OLFM1: variants seen among roughly 807,000 people sequenced by gnomAD.
OLFM1 encodes olfactomedin 1.
Under a neutral mutation model 49.7 loss-of-function variants are expected in OLFM1, and 9 were observed. That is an observed-to-expected ratio of 0.18 (90% CI 0.11 to 0.32). The LOEUF is 0.32. Among genes scored for constraint, OLFM1 ranks in the 10% least tolerant of loss-of-function variants. OLFM1 has a pLI of 1.00. For missense variants in OLFM1, 369 were observed against 661.8 expected (o/e 0.56, Z 4.85); for synonymous variants, 240 against 271.8 (o/e 0.88, Z 1.15).
intron 4 of OLFM1, among the ~76,000 whole-genome samples, chr9:135,100,478 T>C (rs1481009966): frequency 1.3e-5 from 2 of 152,178 alleles, no homozygotes; most frequent in Non-Finnish European, 2.9e-5. Context: ...ACCTTTGGAG[T>C]GCAGCTGCCT....
At position 135,080,901 on chromosome 9, in the gene OLFM1, A is replaced by G. The variant is rs1473116980; in HGVS notation, c.96+5099A>G. On this transcript the variant is annotated intron_variant, in intron 1 of 5. Coordinates refer to the OLFM1 transcript ENST00000252854. The surrounding 1 kb of genome is among the most constrained non-coding windows in gnomAD (Gnocchi z 4.5). The stretch of plus-strand genomic sequence containing the variant: ...GCGACCGAAGGGAGGGGAAGAGAGA[A>G]CAGGAAGTAAAAATGCACACCTCTG... Among the ~76,000 whole-genome samples, 1 of 152,042 alleles carries G rather than the reference A, an allele frequency of 6.6e-6. No homozygotes were observed. Among genetic ancestry groups the G allele is most frequent in the Non-Finnish European group, 1.5e-5 (1 of 68,006 alleles).
chr9:135,107,680 C>T (rs1050193300), intron 5 of OLFM1, among the ~76,000 whole-genome samples: 2 of 152,246 alleles, frequency 1.3e-5, no homozygotes, highest in African/African-American at 4.8e-5. Flanking sequence ...CCAGAGTGGG[C>T]ATTTCTCACC....
chr9:135,109,786 T>C (rs562860020), intron 5 of OLFM1, among the ~76,000 whole-genome samples: 232 of 151,080 alleles, frequency 1.5e-3, no homozygotes, highest in African/African-American at 5.6e-3. Context: ...GTAAGGCAGG[T>C]GTGGCCAAGG....
intron 2 of OLFM1, 42 bp downstream of exon 2, chr9:135,090,386 T>TTTGTG: frequency 1.7e-6 from 2 of 1,202,990 alleles, no homozygotes; most frequent in Non-Finnish European, 2.3e-6. Context: ...GTGTGTGTGT[T>TTTGTG]TGTGTGTGTG....
chr9:135,090,126 C>A, intron 1 of OLFM1, 69 bp from the exon 2 acceptor site: 1 of 1,415,126 alleles, frequency 7.1e-7, no homozygotes. Flanking sequence ...TGGTTGTTGG[C>A]TCTGATACAC....
At chr9:135,076,940 C>T in intron 1 of OLFM1, 2 of 1,550,622 alleles carry the variant, frequency 1.3e-6, no homozygotes, top group South Asian at 2.4e-5. Flanking sequence ...TGGCTCTGCC[C>T]AGGATGTGCA....
intron 1 of OLFM1, chr9:135,076,432 TGGGCATTTCAAAC>T: frequency 6.9e-7 from 1 of 1,453,408 alleles, no homozygotes; most frequent in Non-Finnish European, 9.1e-7. Context: ...GTGGGGATCG[TGGGCATTTCAAAC>T]GGGCTTGTCG....
intron 1 of OLFM1, among the ~76,000 whole-genome samples, chr9:135,079,669 T>C (rs746632458): frequency 1.3e-4 from 20 of 152,272 alleles, no homozygotes; most frequent in Admixed American, 4.6e-4. Flanking sequence ...AAGAAGGGCC[T>C]GGAAACCCTG....
intron 5 of OLFM1, among the ~76,000 whole-genome samples, chr9:135,116,310 G>A (rs528698134): frequency 1.3e-5 from 2 of 152,244 alleles, no homozygotes; most frequent in South Asian, 2.1e-4. Flanking sequence ...ACTGGCAAAC[G>A]CTCAGAGCGG....
intron 1 of OLFM1, 81 bp from the exon 2 acceptor site, chr9:135,090,114 C>A (rs989083422): frequency 7.6e-7 from 1 of 1,322,304 alleles, no homozygotes. Context: ...GACAGTTTCC[C>A]CTGGTTGTTG....
intron 1 of OLFM1, among the ~76,000 whole-genome samples, chr9:135,077,560 C>CCT (rs554869055): frequency 6.6e-6 from 1 of 152,228 alleles, no homozygotes; most frequent in Non-Finnish European, 1.5e-5. Flanking sequence ...CATCCTCACA[C>CCT]CTTAGAGTCA....
chr9:135,109,366 C>G (rs1422319213), intron 5 of OLFM1, among the ~76,000 whole-genome samples: 1 of 152,188 alleles, frequency 6.6e-6, no homozygotes, highest in East Asian at 1.9e-4. Context: ...TGCTTTTGAT[C>G]ATTAGGCATC....
intron 5 of OLFM1, among the ~76,000 whole-genome samples, chr9:135,108,894 A>G (rs929822653): frequency 6.6e-6 from 1 of 152,052 alleles, no homozygotes; most frequent in African/African-American, 2.4e-5. Context: ...TGCAGCATGC[A>G]CTGACACTCC....
chr9:135,114,384 G>T (rs1160299375), intron 5 of OLFM1, among the ~76,000 whole-genome samples: 2 of 151,910 alleles, frequency 1.3e-5, no homozygotes, highest in East Asian at 3.9e-4. Context: ...CAAAATGCTG[G>T]GATTACAAGC....
rs1376476751 is a variant in OLFM1 at position 135,115,108 on chromosome 9, C to A, written c.784-4396C>A. 2.6e-5 allele frequency among the ~76,000 whole-genome samples: 4 copies of A among 152,326 alleles called. No homozygotes were observed. The South Asian group carries it at 6.2e-4, about 24-fold the overall frequency. ...GATCCTTTCCTCAAGACCGCTAGGGCCACAAAAGGTCAAGGGTGAATGTAC... is the reference window on the plus strand; with the variant it reads ...GATCCTTTCCTCAAGACCGCTAGGGACACAAAAGGTCAAGGGTGAATGTAC... On this transcript the variant is annotated intron_variant, in intron 5 of 5. Transcript: ENST00000371793.
chr9:135,118,836 TCTTTGGAGTGCTCACC>T (rs1421434606), intron 5 of OLFM1, among the ~76,000 whole-genome samples: 1 of 108,474 alleles, frequency 9.2e-6, no homozygotes, highest in African/African-American at 4.2e-5. Flanking sequence ...GCTCGCCGGG[TCTTTGGAGTGCTCACC>T]GGGTCTTTGG....
intron 5 of OLFM1, among the ~76,000 whole-genome samples, chr9:135,108,954 C>T (rs536846327): frequency 6.6e-6 from 1 of 152,256 alleles, no homozygotes; most frequent in South Asian, 2.1e-4. Flanking sequence ...CTTCCCACAC[C>T]TCCCCGCAAT....
chr9:135,105,133 T>C (rs751177756), intron 4 of OLFM1, among the ~76,000 whole-genome samples: 4 of 152,056 alleles, frequency 2.6e-5, no homozygotes, highest in Non-Finnish European at 5.9e-5. Flanking sequence ...CCTCCAGCCA[T>C]GAGGGGACAA....
rs1298203683 is a variant in OLFM1, at chr9:135,095,896, G to A, written c.333G>A (p.Leu111=). The change falls in exon 3 of 6, where the codon TTG becomes TTA. Residue 111 remains leucine, a synonymous_variant. Coordinates refer to ENST00000371793, the MANE Select transcript of OLFM1 (RefSeq NM_001282611.2). ...VQNMSQSIEV[L]DRRTQRDLQY... ...ACATGTCTCAATCCATAGAGGTCTT[G>A]GACAGGCGGACCCAGAGAGACTTGC... is the stretch of plus-strand genomic sequence containing the variant. 3.7e-6 allele frequency: 6 copies of A among 1,613,112 alleles called. No homozygotes were observed. The highest frequency in any genetic ancestry group is 3.4e-6 in the Non-Finnish European group (4 of 1,179,542).
Sources: gnomAD v4.1 joint callset for allele counts (sites outside exome capture counted in the v4.1 genomes callset) on GRCh38, gnomAD v4.1.1 for gene constraint, Gnocchi (gnomAD v3.1) non-coding constraint, MANE v1.5 for transcripts, NCBI Gene and HGNC (gene_info 2026-07-23, HGNC 2026-07-21) for gene names.